Variants in ERICH6 observed in about 807,000 individuals in gnomAD.
ERICH6 encodes glutamate-rich protein 6.
In ERICH6, 71 loss-of-function variants were observed where a neutral mutation model predicts 71.0. The observed-to-expected ratio is 1.00, with a 90% confidence interval of 0.83 to 1.22. The LOEUF (loss-of-function observed/expected upper bound fraction) is 1.22, where lower values mean the gene tolerates loss of function less well. Among genes scored for constraint, ERICH6 ranks in the 50% most tolerant of loss-of-function variants. ERICH6 has a pLI of 0.00. For missense variants in ERICH6, 808 were observed against 797.2 expected, an observed-to-expected ratio of 1.01 and a Z score of -0.16; for synonymous variants, 262 against 278.4, an observed-to-expected ratio of 0.94 and a Z score of 0.59.
At position 150,659,917 on chromosome 3, in the gene ERICH6, C is replaced by G; in HGVS notation, c.1967G>C (p.Arg656Thr). The change falls in exon 14 of 14, where the codon AGA becomes ACA. Residue 656 changes from arginine to threonine, a missense_variant. Coordinates refer to ENST00000295910, the MANE Select transcript of ERICH6 (RefSeq NM_152394.5). ...GIKQDIMKTI[R>T]NIINEEI The stretch of plus-strand genomic sequence containing the variant: ...TTAAATTTCTTCATTTATTATATTT[C>G]TTATTGTCTTCATTATATCTTGCTT... 1 of 1,608,170 alleles carries G rather than the reference C, an allele frequency of 6.2e-7. No individual in the cohort carries two copies. The highest frequency in any genetic ancestry group is 8.5e-7 in the Non-Finnish European group (1 of 1,175,442).
At chr3:150,662,409 AAAAT>A (rs1208960562) in intron 13 of ERICH6, among the ~76,000 whole-genome samples, 5 of 152,242 alleles carry the variant, frequency 3.3e-5, no homozygotes, top group African/African-American at 1.2e-4. Flanking sequence ...CAATGACACA[AAAAT>A]AAAAGGATAG....
chr3:150,669,159 T>C (rs916575386), intron 12 of ERICH6, 137 bp downstream of exon 12: 7 of 913,090 alleles, frequency 7.7e-6, no homozygotes, highest in Non-Finnish European at 1.1e-5. Flanking sequence ...AAAATGTCTC[T>C]GAGTTGAACA....
chr3:150,667,381 C>T (rs1008338614), intron 12 of ERICH6, among the ~76,000 whole-genome samples: 3 of 152,054 alleles, frequency 2.0e-5, no homozygotes, highest in Non-Finnish European at 2.9e-5. Context: ...TTCACCACAC[C>T]GAAATAAAGA....
At chr3:150,662,838 A>T (rs1576544853) in intron 13 of ERICH6, among the ~76,000 whole-genome samples, 3 of 152,260 alleles carry the variant, frequency 2.0e-5, no homozygotes, top group Admixed American at 2.0e-4. Flanking sequence ...AGCCTGAAGG[A>T]AGTGAGGGAA....
intron 11 of ERICH6, 71 bp from the exon 12 acceptor site, chr3:150,669,522 G>A (rs1711497141): frequency 6.7e-7 from 1 of 1,497,952 alleles, no homozygotes; most frequent in Non-Finnish European, 9.1e-7. Context: ...TTCAATTTAT[G>A]AGAGAGCACT....
chr3:150,680,737 C>G, intron 8 of ERICH6, 36 bp downstream of exon 8: 2 of 1,579,804 alleles, frequency 1.3e-6, no homozygotes, highest in Non-Finnish European at 1.7e-6. Context: ...ATTAAGCCGG[C>G]CTGTATGAGT....
chr3:150,693,524 A>C (rs1329209813), intron 3 of ERICH6, among the ~76,000 whole-genome samples: 1 of 152,224 alleles, frequency 6.6e-6, no homozygotes, highest in African/African-American at 2.4e-5. Context: ...GATGGTACAA[A>C]TCAATGGCTG....
rs1202366615 is a variant in ERICH6 at position 150,663,814 on chromosome 3, G to A, written c.1728+2973C>T. Among the ~76,000 whole-genome samples the A allele has an allele frequency of 3.3e-5, 5 of 152,014 alleles. 1 individual carries two copies. Among genetic ancestry groups the A allele is most frequent in the Admixed American group, 3.3e-4 (5 of 15,266 alleles). On this transcript the variant is annotated intron_variant, in intron 13 of 13. Transcript: ENST00000295910. The stretch of plus-strand genomic sequence containing the variant: ...TCATGCCCCCTTAGAAATCCAGATG[G>A]GTATGTTGAATTGGAATCAGAGACT...
At chr3:150,667,046 A>G (rs1299378732) in intron 12 of ERICH6, 31 bp from the exon 13 acceptor site, 1 of 1,572,508 alleles carries the variant, frequency 6.4e-7, no homozygotes, top group African/African-American at 1.4e-5. Flanking sequence ...AATATCATAA[A>G]CAGTAACACT....
intron 6 of ERICH6, among the ~76,000 whole-genome samples, chr3:150,683,783 C>T (rs1356020084): frequency 6.6e-6 from 1 of 151,992 alleles, no homozygotes; most frequent in Non-Finnish European, 1.5e-5. Context: ...AAAACAAAAA[C>T]ACAAAGACCA....
intron 3 of ERICH6, 51 bp from the exon 4 acceptor site, chr3:150,686,405 C>G: frequency 6.6e-7 from 1 of 1,516,526 alleles, no homozygotes; most frequent in South Asian, 1.2e-5. Context: ...AGAAAAGAAG[C>G]TGAATATAAA....
intron 11 of ERICH6, among the ~76,000 whole-genome samples, chr3:150,669,673 A>T (rs1396852536): frequency 6.6e-6 from 1 of 152,232 alleles, no homozygotes; most frequent in African/African-American, 2.4e-5. Context: ...CAATATAAAA[A>T]GGATTACGCA....
rs1256552357 is a variant in ERICH6, at chr3:150,701,770, T to C, written c.461+351A>G. ...AGAGAGAGGAAAAAGGAAAAGCTATTATTTCCACTCTCTTCCACAAAAGGC... is the reference window on the plus strand; with the variant it reads ...AGAGAGAGGAAAAAGGAAAAGCTATCATTTCCACTCTCTTCCACAAAAGGC... On this transcript the variant is annotated intron_variant, in intron 2 of 13. Transcript: ENST00000295910. Among the ~76,000 whole-genome samples, 4 of 152,184 alleles carry C rather than the reference T, an allele frequency of 2.6e-5. No homozygotes were observed. In the South Asian group the frequency reaches 8.3e-4, roughly 32 times the overall value.
intron 13 of ERICH6, among the ~76,000 whole-genome samples, chr3:150,661,665 A>T (rs148889103): frequency 0.013 from 1,995 of 152,344 alleles, 28 homozygotes; most frequent in Middle Eastern, 0.031. Context: ...AATTCTATGC[A>T]TATTATAAAA....
chr3:150,686,490 C>A (rs1712195872), intron 3 of ERICH6, 136 bp from the exon 4 acceptor site: 2 of 733,432 alleles, frequency 2.7e-6, no homozygotes, highest in Admixed American at 2.9e-5. Context: ...TCTCTTTTTC[C>A]AAATAACATT....
intron 12 of ERICH6, among the ~76,000 whole-genome samples, 173 bp from the exon 13 acceptor site, chr3:150,667,188 G>A (rs538792275): frequency 3.3e-5 from 5 of 152,258 alleles, no homozygotes; most frequent in East Asian, 1.9e-4. Context: ...AATTCTACAC[G>A]AATCTGAAGT....
At chr3:150,702,800 T>TTTTAA (rs1712944141) in intron 1 of ERICH6, among the ~76,000 whole-genome samples, 1 of 40,894 alleles carries the variant, frequency 2.4e-5, no homozygotes, top group Non-Finnish European at 5.7e-5. Context: ...CAGCACAGGA[T>TTTTAA]GTTAAACACA....
Position 150,660,015 on chromosome 3 carries a change from T to C in ERICH6, c.1869A>G (p.Glu623=). ...AAAGGTAGGAAGGTTGCTTTAATTT[T>C]TCCCAAACCTGGCTTGAGGGAAAAT... is the stretch of plus-strand genomic sequence containing the variant. ...CVNFPSSQVW[E]KLKQPSYLSS... The change falls in exon 14 of 14, where the codon GAA becomes GAG. Residue 623 remains glutamate, a synonymous_variant. Coordinates refer to ENST00000295910, the MANE Select transcript of ERICH6 (RefSeq NM_152394.5). 1 of 1,614,168 alleles carries C rather than the reference T, an allele frequency of 6.2e-7. No individual in the cohort carries two copies. Among genetic ancestry groups the C allele is most frequent in the Non-Finnish European group, 8.5e-7 (1 of 1,180,018 alleles).
At chr3:150,701,054 C>T (rs1163416844) in intron 2 of ERICH6, among the ~76,000 whole-genome samples, 1 of 152,046 alleles carries the variant, frequency 6.6e-6, no homozygotes, top group Admixed American at 6.5e-5. Flanking sequence ...AACCATAATA[C>T]AAGCATAATA....
Sources: gnomAD v4.1 joint callset for allele counts (sites outside exome capture counted in the v4.1 genomes callset) on GRCh38, gnomAD v4.1.1 for gene constraint, MANE v1.5 for transcripts, NCBI Gene and HGNC (gene_info 2026-07-23, HGNC 2026-07-21) for gene names.